ADK: variants seen among roughly 807,000 people sequenced by gnomAD.
The protein encoded by ADK is N6,N6-dimethyladenosine kinase.
In ADK, 24 loss-of-function variants were observed where a neutral mutation model predicts 44.7. That is an observed-to-expected ratio of 0.54 (90% CI 0.39 to 0.76). ADK has a LOEUF of 0.76. ADK is among the 30% of genes least tolerant of loss of function. ADK has a pLI of 0.00. For missense variants in ADK, 321 were observed against 425.1 expected, an observed-to-expected ratio of 0.76 and a Z score of 2.15; for synonymous variants, 128 against 142.6, an observed-to-expected ratio of 0.90 and a Z score of 0.73.
intron 3 of ADK, among the ~76,000 whole-genome samples, chr10:74,300,505 T>C (rs1006038949): frequency 6.6e-6 from 1 of 151,994 alleles, no homozygotes; most frequent in Non-Finnish European, 1.5e-5. Context: ...GCCTCCCAAG[T>C]AGCTGGGACT....
chr10:74,471,170 G>C (rs983234253), intron 6 of ADK, among the ~76,000 whole-genome samples: 1 of 151,582 alleles, frequency 6.6e-6, no homozygotes, highest in Non-Finnish European at 1.5e-5. Context: ...CGCCTCCCAG[G>C]TTCACGCCAT....
At chr10:74,520,926 C>A (rs1457243507) in intron 6 of ADK, among the ~76,000 whole-genome samples, 1 of 152,058 alleles carries the variant, frequency 6.6e-6, no homozygotes, top group Non-Finnish European at 1.5e-5. Flanking sequence ...GTTATAGGAT[C>A]AACGATAAAC....
chr10:74,362,656 A>G (rs1012183536), intron 4 of ADK, among the ~76,000 whole-genome samples: 1 of 152,156 alleles, frequency 6.6e-6, no homozygotes. Context: ...AATTTATTTT[A>G]GTCTTCCCAG....
At chr10:74,154,675 G>T (rs1384343343) in intron 1 of ADK, among the ~76,000 whole-genome samples, 1 of 152,134 alleles carries the variant, frequency 6.6e-6, no homozygotes, top group African/African-American at 2.4e-5. Flanking sequence ...TCCTGAATCT[G>T]TGCATTTTTC....
chr10:74,206,538 T>G (rs116081033), intron 2 of ADK, among the ~76,000 whole-genome samples: 1 of 152,182 alleles, frequency 6.6e-6, no homozygotes, highest in African/African-American at 2.4e-5. Flanking sequence ...AGCAATGTTA[T>G]GTGTGCTGAG....
chr10:74,225,536 CT>C (rs1206194594), intron 3 of ADK, among the ~76,000 whole-genome samples: 1 of 152,184 alleles, frequency 6.6e-6, no homozygotes, highest in East Asian at 1.9e-4. Context: ...TTTCCAAGTA[CT>C]TTTAAACTGC....
At chr10:74,327,471 C>T (rs775611245) in intron 4 of ADK, among the ~76,000 whole-genome samples, 26 of 152,246 alleles carry the variant, frequency 1.7e-4, no homozygotes, top group African/African-American at 7.2e-5. Flanking sequence ...AATCTTCAGC[C>T]GCTGGATAGA....
chr10:74,553,197 T>G (rs901815616), intron 7 of ADK, among the ~76,000 whole-genome samples: 2 of 110,808 alleles, frequency 1.8e-5, no homozygotes, highest in African/African-American at 4.3e-5. Flanking sequence ...TGTGTTTTTT[T>G]TTTTTTTTTT....
intron 1 of ADK, among the ~76,000 whole-genome samples, chr10:74,198,262 CT>C (rs1165982358): frequency 6.6e-6 from 1 of 152,140 alleles, no homozygotes; most frequent in African/African-American, 2.4e-5. Flanking sequence ...ACTTAAAATA[CT>C]TTTTTATTAG....
At chr10:74,659,812 G>A (rs1375173039) in intron 9 of ADK, among the ~76,000 whole-genome samples, 2 of 152,042 alleles carry the variant, frequency 1.3e-5, no homozygotes, top group East Asian at 3.9e-4. Context: ...ATGTTTTTCT[G>A]CCTGCTTTAT....
chr10:74,409,890 C>G (rs1451260102), intron 6 of ADK, among the ~76,000 whole-genome samples: 1 of 152,086 alleles, frequency 6.6e-6, no homozygotes, highest in Non-Finnish European at 1.5e-5. Flanking sequence ...GCTTTGTTTG[C>G]CCTATAGGTT....
chr10:74,261,764 T>TC (rs375784709), intron 3 of ADK, among the ~76,000 whole-genome samples: 1 of 152,094 alleles, frequency 6.6e-6, no homozygotes, highest in Non-Finnish European at 1.5e-5. Context: ...CCTATTTTTT[T>TC]CTCTTTGGAC....
At chr10:74,495,986 A>G (rs1202515390) in intron 6 of ADK, among the ~76,000 whole-genome samples, 1 of 152,228 alleles carries the variant, frequency 6.6e-6, no homozygotes, top group African/African-American at 2.4e-5. Context: ...GACCTCAGAA[A>G]TTGTAATCCA....
intron 3 of ADK, among the ~76,000 whole-genome samples, chr10:74,245,117 T>A (rs1393032619): frequency 2.6e-5 from 4 of 152,340 alleles, no homozygotes; most frequent in African/African-American, 9.6e-5. Context: ...AAATTAGAGA[T>A]TAAACTTGCT....
intron 4 of ADK, among the ~76,000 whole-genome samples, chr10:74,349,425 G>A (rs974210914): frequency 5.9e-5 from 9 of 152,100 alleles, no homozygotes; most frequent in Admixed American, 4.6e-4. Context: ...CACTAAATGT[G>A]GAAAGGAAAA....
In ADK at chr10:74,176,475, G is replaced by A. The variant is rs571962706; in HGVS notation, c.66-24289G>A. 175 of 1,139,796 alleles carry A rather than the reference G, an allele frequency of 1.5e-4. 5 individuals are homozygous for A. The South Asian group carries it at 3.9e-3, about 25-fold the overall frequency. 70.6% of individuals were successfully genotyped at this position (1,139,796 alleles called of 1,614,324 possible). On this transcript the variant is annotated intron_variant, in intron 1 of 10. Coordinates refer to ENST00000539909, the MANE Select transcript of ADK (RefSeq NM_006721.4). ...ACAGTGGCCACGTGACTGCTAAACC[G>A]GTTGCCAGAGGCGCGGCCATTTTTG...
chr10:74,362,752 A>T (rs1842375431), intron 4 of ADK, among the ~76,000 whole-genome samples: 2 of 152,202 alleles, frequency 1.3e-5, no homozygotes, highest in African/African-American at 4.8e-5. Context: ...TGAGCCTCTG[A>T]CCAATTACAG....
chr10:74,556,708 AT>A (rs1850260778), intron 7 of ADK, among the ~76,000 whole-genome samples: 2 of 152,326 alleles, frequency 1.3e-5, no homozygotes, highest in East Asian at 3.9e-4. Flanking sequence ...CTGTTTTAGA[AT>A]TTGAGGAAAG....
At chr10:74,155,692 C>T (rs1462620739) in intron 1 of ADK, among the ~76,000 whole-genome samples, 2 of 151,968 alleles carry the variant, frequency 1.3e-5, no homozygotes, top group African/African-American at 4.8e-5. Flanking sequence ...TCACGCCCGG[C>T]CAATTTTTTG....
Sources: gnomAD v4.1 joint callset for allele counts (sites outside exome capture counted in the v4.1 genomes callset) on GRCh38, gnomAD v4.1.1 for gene constraint, MANE v1.5 for transcripts, NCBI Gene and HGNC (gene_info 2026-07-23, HGNC 2026-07-21) for gene names.